Variants in ABI3BP observed in about 807,000 individuals in gnomAD.
ABI3BP encodes the protein target of Nesh-SH3.
A neutral mutation model predicts 268.6 loss-of-function variants in ABI3BP; 216 were observed. The observed-to-expected ratio is 0.80, with a 90% CI of 0.72 to 0.90. The LOEUF (loss-of-function observed/expected upper bound fraction) is 0.90, where lower values mean the gene tolerates loss of function less well. ABI3BP is among the 40% of genes least tolerant of loss of function. ABI3BP has a pLI of 0.00. For missense variants in ABI3BP, 2,090 were observed against 2,182.4 expected (o/e 0.96, Z 0.84); for synonymous variants, 730 against 730.0 (o/e 1.00, Z 0.00).
intron 1 of ABI3BP, among the ~76,000 whole-genome samples, chr3:100,977,402 T>A (rs770659331): frequency 2.0e-5 from 3 of 151,662 alleles, no homozygotes; most frequent in Non-Finnish European, 4.4e-5. Context: ...GAATCTCTCA[T>A]GAGGTTGCAG....
At chr3:100,917,922 C>T (rs960644115) in intron 2 of ABI3BP, among the ~76,000 whole-genome samples, 2 of 152,042 alleles carry the variant, frequency 1.3e-5, no homozygotes, top group Non-Finnish European at 2.9e-5. Flanking sequence ...CTGGTATAAA[C>T]TTATGGTGAA....
Position 100,898,791 on chromosome 3 carries a change from C to T in ABI3BP, c.432G>A (p.Trp144Ter), listed in dbSNP as rs1292224265. ...WGFLINPHHD[W>*]TLPSHCPNDR... Reference sequence around the variant, plus strand: ...CATTGGGACAGTGACTTGGCAATGTCCAGTCATGGTGTGGGTTGATGAGGA... The same window carrying T: ...CATTGGGACAGTGACTTGGCAATGTTCAGTCATGGTGTGGGTTGATGAGGA... Residue 144 changes from tryptophan to a stop codon, truncating the protein, a stop_gained, in exon 4 of 68, where the codon TGG becomes TGA. Transcript: ENST00000471714. LOFTEE classifies it high-confidence loss of function. 1.2e-6 allele frequency: 2 copies of T among 1,613,418 alleles called. No individual in the cohort carries two copies. Among genetic ancestry groups the T allele is most frequent in the East Asian group, 2.2e-5 (1 of 44,860 alleles).
At chr3:100,778,138 T>C in intron 59 of ABI3BP, 146 bp downstream of exon 59, 1 of 750,518 alleles carries the variant, frequency 1.3e-6, no homozygotes, top group Non-Finnish European at 2.2e-6. Flanking sequence ...CTGAAAGCCA[T>C]CATTTACAGT....
intron 15 of ABI3BP, 82 bp from the exon 16 acceptor site, chr3:100,850,816 C>A: frequency 9.4e-7 from 1 of 1,068,438 alleles, no homozygotes; most frequent in Non-Finnish European, 1.4e-6. Flanking sequence ...ATAAATTATG[C>A]CTCATATGAG....
At position 100,843,540 on chromosome 3, in the gene ABI3BP, TGTGA is replaced by T. The variant is rs770961007; in HGVS notation, c.1724-1505_1724-1502del. On this transcript the variant is annotated intron_variant, in intron 20 of 67. Transcript: ENST00000471714. ...GAGGATGTGTGTGTGTGTGTGTGTGTGTGAGAGAGAGAGAGAGAGAGAGAGAGGG... is the reference window on the plus strand; with the variant it reads ...GAGGATGTGTGTGTGTGTGTGTGTGTGAGAGAGAGAGAGAGAGAGAGAGGG... 1.6e-3 allele frequency: 1,314 copies of T among 809,162 alleles called. 5 individuals carry two copies. In the African/African-American group the frequency reaches 0.021, roughly 13 times the overall value. The allele number at this position is 809,162 out of a possible 1,614,324, so 50.1% of individuals were successfully genotyped here.
At chr3:100,835,863 G>A (rs1265710082) in intron 27 of ABI3BP, among the ~76,000 whole-genome samples, 1 of 151,730 alleles carries the variant, frequency 6.6e-6, no homozygotes, top group East Asian at 1.9e-4. Flanking sequence ...TCCCTATAAG[G>A]GCAATGAAAA....
chr3:100,859,738 C>T (rs983063828), intron 14 of ABI3BP, among the ~76,000 whole-genome samples: 12 of 152,220 alleles, frequency 7.9e-5, no homozygotes, highest in African/African-American at 2.4e-4. Context: ...GAAATGGAAG[C>T]GTTGCACACT....
intron 63 of ABI3BP, 110 bp from the exon 64 acceptor site, chr3:100,754,801 A>G: frequency 1.1e-6 from 1 of 870,928 alleles, no homozygotes; most frequent in East Asian, 2.7e-5. Flanking sequence ...TGAAATTATG[A>G]CAGTGAATGG....
At chr3:100,867,061 T>C (rs1581149709) in intron 9 of ABI3BP, 105 bp from the exon 10 acceptor site, 4 of 778,882 alleles carry the variant, frequency 5.1e-6, no homozygotes, top group Non-Finnish European at 2.1e-6. Context: ...TCACACTCCT[T>C]CCCCACCAGC....
chr3:100,756,290 C>G (rs143197446), intron 63 of ABI3BP, among the ~76,000 whole-genome samples: 1 of 152,228 alleles, frequency 6.6e-6, no homozygotes, highest in South Asian at 2.1e-4. Context: ...TTCGGGAGGC[C>G]GAGGCAGGCA....
intron 42 of ABI3BP, 46 bp downstream of exon 42, chr3:100,817,390 G>C: frequency 1.5e-6 from 2 of 1,329,158 alleles, no homozygotes; most frequent in Non-Finnish European, 1.0e-6. Context: ...GAATGGATTT[G>C]AAAATAAGGA....
chr3:100,805,507 G>A (rs780558108), intron 50 of ABI3BP, among the ~76,000 whole-genome samples: 1 of 152,100 alleles, frequency 6.6e-6, no homozygotes. Context: ...AACAATTATA[G>A]TGTATTCTAT....
At position 100,916,310 on chromosome 3, in the gene ABI3BP, A is replaced by G. The variant is rs187496267; in HGVS notation, c.259+9992T>C. 4.0e-3 allele frequency among the ~76,000 whole-genome samples: 616 copies of G among 152,346 alleles called. 1 individual carries two copies. Among genetic ancestry groups the G allele is most frequent in the Non-Finnish European group, 6.5e-3 (440 of 68,026 alleles). On this transcript the variant is annotated intron_variant, in intron 2 of 67. Transcript: ENST00000471714. ...GATAGTATCCAAAGTCAAAGCCGTC[A>G]AATCAGCAAAGGTTTTTCTTCCTTT...
chr3:100,993,368 C>T lies in ABI3BP; in HGVS notation c.17G>A (p.Gly6Glu), dbSNP rs1322297656. 2.6e-6 allele frequency: 4 copies of T among 1,553,064 alleles called. No homozygotes were observed. In the South Asian group the frequency reaches 3.6e-5, roughly 14 times the overall value. ...AATACTTCCACAGAGAAGTAGACACCCCAAACTGGAGAGCATGTTGCATTT... is the reference window on the plus strand; with the variant it reads ...AATACTTCCACAGAGAAGTAGACACTCCAAACTGGAGAGCATGTTGCATTT... MLSSL[G>E]CLLLCGSITL... The change falls in exon 1 of 68, where the codon GGG (glycine) becomes GAG (glutamate). Residue 6 changes from glycine to glutamate, a missense_variant. Transcript: ENST00000471714.
chr3:100,754,649 G>A lies in ABI3BP; in HGVS notation c.4893C>T (p.Gly1631=), dbSNP rs752588335. The A allele has an allele frequency of 1.9e-6, 3 of 1,592,678 alleles. No homozygotes were observed. The highest frequency in any genetic ancestry group is 2.6e-6 in the Non-Finnish European group (3 of 1,168,556). Residue 1631 remains glycine, a synonymous_variant, in exon 64 of 68, where the codon GGC becomes GGT. Coordinates refer to ENST00000471714, the MANE Select transcript of ABI3BP (RefSeq NM_001375547.2). ...QVKPKNPLGE[G]PVSNTVAFST... ...TGAATGCCACTGTGTTGCTGACCGG[G>A]CCTTCACCAAGCGGGTTTTTGGGTT...
At chr3:100,915,114 T>C in intron 2 of ABI3BP, among the ~76,000 whole-genome samples, 1 of 152,170 alleles carries the variant, frequency 6.6e-6, no homozygotes, top group Non-Finnish European at 1.5e-5. Flanking sequence ...AATATTGCAC[T>C]GTACAGGTGG....
Position 100,844,341 on chromosome 3 carries a change from G to A in ABI3BP, c.1723+2031C>T, listed in dbSNP as rs78285232. On this transcript the variant is annotated intron_variant, in intron 20 of 67. Transcript: ENST00000471714. ...ATGAAGGAAACAATTCCCACTGGAC[G>A]AGGTAGACAAGTTAAGACATGGTAG... 4,077 of 985,410 alleles carry A rather than the reference G, an allele frequency of 4.1e-3. 152 individuals are homozygous for A. The East Asian group carries it at 0.15, about 35-fold the overall frequency. The allele number at this position is 985,410 out of a possible 1,614,324, so 61.0% of individuals were successfully genotyped here.
chr3:100,969,981 A>C (rs946917542), intron 1 of ABI3BP, among the ~76,000 whole-genome samples: 1 of 152,178 alleles, frequency 6.6e-6, no homozygotes, highest in Non-Finnish European at 1.5e-5. Flanking sequence ...GTTACATAGG[A>C]GTTACAGCAT....
chr3:100,911,481 G>A, intron 2 of ABI3BP: 2 of 410,596 alleles, frequency 4.9e-6, no homozygotes, highest in Admixed American at 3.9e-5. Context: ...TTTATTGCTT[G>A]TTCATTGTTT....
Sources: allele counts gnomAD v4.1 joint callset (sites outside exome capture counted in the v4.1 genomes callset), GRCh38; gene constraint gnomAD v4.1.1; transcripts MANE v1.5; gene names NCBI Gene and HGNC (gene_info 2026-07-23, HGNC 2026-07-21).